The following CFAP91 variants were observed in gnomAD, a reference collection of about 807,000 sequenced individuals.
CFAP91 encodes the protein cilia and flagella associated protein 91, also known as cilia- and flagella-associated protein 91.
A neutral mutation model predicts 95.9 loss-of-function variants in CFAP91; 85 were observed. The observed-to-expected ratio is 0.89, with a 90% CI of 0.74 to 1.06. The LOEUF is 1.06. Ranked by LOEUF, CFAP91 falls within the 50% of genes least tolerant of loss-of-function variation. The pLI, the probability that CFAP91 is intolerant of heterozygous loss-of-function variation, is 0.00. For missense variants in CFAP91, 962 were observed against 943.4 expected (o/e 1.02, Z -0.26); for synonymous variants, 335 against 327.5 (o/e 1.02, Z -0.25).
At chr3:119,706,589 G>T in intron 1 of CFAP91, 1 of 498,192 alleles carries the variant, frequency 2.0e-6, no homozygotes. Context: ...AGCTGACTTG[G>T]AATACTCAGA....
rs1386450975 is a variant in CFAP91, at chr3:119,739,330, T to C, written c.1533+4T>C. On this transcript the variant is annotated splice_donor_region_variant and intron_variant, in intron 12 of 17. Transcript: ENST00000273390. ...GGGCAGAGTCGTTCAGAACATGGTG[T>C]GTAGGTCCAACCGCTGGCCCTGCAT... The C allele has an allele frequency of 8.1e-6, 13 of 1,613,740 alleles. No homozygotes were observed. The highest frequency in any genetic ancestry group is 1.1e-5 in the Non-Finnish European group (13 of 1,179,716).
chr3:119,709,730 G>T, intron 4 of CFAP91, 109 bp from the exon 5 acceptor site: 1 of 807,792 alleles, frequency 1.2e-6, no homozygotes, highest in Non-Finnish European at 2.1e-6. Context: ...TGATATATGG[G>T]ATATTTAAGC....
intron 16 of CFAP91, 87 bp downstream of exon 16, chr3:119,747,989 G>A (rs1388801554): frequency 1.3e-5 from 13 of 1,024,808 alleles, no homozygotes; most frequent in South Asian, 4.5e-5. Context: ...TAAACAGAGG[G>A]ATGAGGAAAT....
rs1315124883 is a variant in CFAP91 at position 119,706,902 on chromosome 3, A to G, written c.201+17A>G. 6.3e-7 allele frequency: 1 copy of G among 1,599,686 alleles called. No homozygotes were observed. Among genetic ancestry groups the G allele is most frequent in the African/African-American group, 1.4e-5 (1 of 73,852 alleles). ...AGCAGACTGGTATGTCTAATTCATC[A>G]GCCAAGGCTACCTGATGAACCTGAA... On this transcript the variant is annotated intron_variant, in intron 2 of 17. Coordinates refer to ENST00000273390, the MANE Select transcript of CFAP91 (RefSeq NM_033364.4).
At chr3:119,730,600 T>TTGTGTGTGTG (rs1559757137) in intron 8 of CFAP91, among the ~76,000 whole-genome samples, 6 of 95,358 alleles carry the variant, frequency 6.3e-5, no homozygotes, top group East Asian at 4.1e-4. Flanking sequence ...GTTACTGAGA[T>TTGTGTGTGTG]AGTGTGTGTG....
At chr3:119,712,191 C>T (rs2053484294) in intron 5 of CFAP91, among the ~76,000 whole-genome samples, 1 of 152,168 alleles carries the variant, frequency 6.6e-6, no homozygotes, top group Non-Finnish European at 1.5e-5. Context: ...CTTTGTTACT[C>T]ATATTTTACT....
At position 119,726,449 on chromosome 3, in the gene CFAP91, C is replaced by T. The variant is rs2053786269; in HGVS notation, c.860+101C>T. On this transcript the variant is annotated intron_variant, in intron 7 of 17. Transcript: ENST00000273390. ...TCTCCCAAATGTATGGGTTGAAAAG[C>T]AATCCTCAACCTATAGAGATAGGAA... 2.7e-5 allele frequency: 30 copies of T among 1,131,294 alleles called. 1 individual carries two copies. The South Asian group carries it at 4.2e-4, about 16-fold the overall frequency. The allele number at this position is 1,131,294 out of a possible 1,614,324, so 70.1% of individuals were successfully genotyped here. A position where few individuals can be genotyped will look rare whatever the true frequency, so the allele number is the denominator to read the frequency against.
chr3:119,751,903 A>G (rs2054332217), intron 17 of CFAP91, among the ~76,000 whole-genome samples: 1 of 152,174 alleles, frequency 6.6e-6, no homozygotes, highest in Admixed American at 6.5e-5. Flanking sequence ...TACTCACAGA[A>G]ACTCAAAGCT....
chr3:119,708,530 A>AATAT (rs1241486116), intron 3 of CFAP91, 61 bp from the exon 4 acceptor site: 1 of 1,153,736 alleles, frequency 8.7e-7, no homozygotes, highest in Non-Finnish European at 1.3e-6. Flanking sequence ...TAGAAATATT[A>AATAT]AATAGAAATT....
At chr3:119,737,563 A>G (rs1223483431) in intron 11 of CFAP91, 81 bp downstream of exon 11, 1 of 845,622 alleles carries the variant, frequency 1.2e-6, no homozygotes, top group East Asian at 2.6e-5. Context: ...GCTTAAAGCA[A>G]ATCTAATTTA....
At chr3:119,706,209 A>G (rs949911394) in intron 1 of CFAP91, 2 of 152,464 alleles carry the variant, frequency 1.3e-5, no homozygotes, top group African/African-American at 2.4e-5. Context: ...TACCTGATAA[A>G]CAGATACTTA....
chr3:119,709,697 A>G (rs2053439508), intron 4 of CFAP91, 142 bp from the exon 5 acceptor site: 1 of 663,720 alleles, frequency 1.5e-6, no homozygotes, highest in Admixed American at 2.8e-5. Flanking sequence ...GTGATTTTTT[A>G]TGTCCAGAAG....
Position 119,747,315 on chromosome 3 carries a change from CAT to C in CFAP91, c.2051+59_2051+60del, listed in dbSNP as rs1559766290. ...AATGGACAGCCCATTTGCTGGTACTCATATATATTTTTTCAAGAGCTTACAAT... is the reference window on the plus strand; with the variant it reads ...AATGGACAGCCCATTTGCTGGTACTCATATATTTTTTCAAGAGCTTACAAT... On this transcript the variant is annotated intron_variant, in intron 15 of 17. Coordinates refer to ENST00000273390, the MANE Select transcript of CFAP91 (RefSeq NM_033364.4). The C allele has an allele frequency of 2.6e-6, 4 of 1,548,300 alleles. No homozygotes were observed. The South Asian group carries it at 5.0e-5, about 19-fold the overall frequency.
At chr3:119,703,399 C>T (rs1465437215) in intron 1 of CFAP91, 177 bp downstream of exon 1, 3 of 933,226 alleles carry the variant, frequency 3.2e-6, no homozygotes, top group Non-Finnish European at 4.7e-6. Context: ...GGTGGCCGCA[C>T]TCAGGTTGGG....
At chr3:119,714,653 A>G (rs1269734162) in intron 5 of CFAP91, among the ~76,000 whole-genome samples, 4 of 151,904 alleles carry the variant, frequency 2.6e-5, no homozygotes, top group Non-Finnish European at 5.9e-5. Context: ...TCCTTTACTC[A>G]TTTTTCCATG....
At chr3:119,737,519 A>G (rs781296511) in intron 11 of CFAP91, 37 bp downstream of exon 11, 10 of 1,205,356 alleles carry the variant, frequency 8.3e-6, no homozygotes, top group Non-Finnish European at 1.2e-5. Flanking sequence ...TGCTAAATTC[A>G]ATATCATTGT....
chr3:119,736,204 T>C (rs949347428), intron 10 of CFAP91, among the ~76,000 whole-genome samples: 3 of 151,732 alleles, frequency 2.0e-5, no homozygotes, highest in African/African-American at 7.3e-5. Context: ...TGCCTAATAG[T>C]GCTCACTTCC....
chr3:119,729,175 A>G (rs962939208), intron 7 of CFAP91, among the ~76,000 whole-genome samples: 1 of 152,186 alleles, frequency 6.6e-6, no homozygotes, highest in African/African-American at 2.4e-5. Context: ...TAGGAGTGAT[A>G]TGACCAGACA....
intron 14 of CFAP91, among the ~76,000 whole-genome samples, chr3:119,746,630 T>C (rs190191960): frequency 3.9e-5 from 6 of 152,308 alleles, no homozygotes; most frequent in Admixed American, 2.0e-4. Context: ...ATATGGGCAA[T>C]CCAGCTCCTG....
Sources: gnomAD v4.1 joint callset for allele counts (sites outside exome capture counted in the v4.1 genomes callset) on GRCh38, gnomAD v4.1.1 for gene constraint, MANE v1.5 for transcripts, NCBI Gene and HGNC (gene_info 2026-07-23, HGNC 2026-07-21) for gene names.